GRID2: variants seen among roughly 807,000 people sequenced by gnomAD.
GRID2 encodes glutamate ionotropic receptor delta type subunit 2, also known as glutamate receptor ionotropic, delta-2.
In GRID2, 33 loss-of-function variants were observed where a neutral mutation model predicts 114.8. The ratio of observed to expected loss-of-function variants is 0.29; its 90% CI spans 0.22 to 0.38. The LOEUF is 0.38. Among genes scored for constraint, GRID2 ranks in the 10% least tolerant of loss-of-function variants. The pLI, the probability that GRID2 is intolerant of heterozygous loss-of-function variation, is 1.00. For synonymous variants in GRID2, 505 were observed against 449.9 expected (o/e 1.12, Z -1.55); for missense variants, 1,184 against 1,257.7 (o/e 0.94, Z 0.89).
intron 2 of GRID2, among the ~76,000 whole-genome samples, chr4:93,050,763 A>T (rs937042157): frequency 6.6e-6 from 1 of 152,042 alleles, no homozygotes; most frequent in African/African-American, 2.4e-5. Flanking sequence ...TGACAAAAGT[A>T]CTATCAAATT....
intron 2 of GRID2, among the ~76,000 whole-genome samples, chr4:92,970,023 A>G (rs548478148): frequency 1.3e-5 from 2 of 152,066 alleles, no homozygotes; most frequent in South Asian, 4.1e-4. Flanking sequence ...CAATGGAAAA[A>G]TGTTTCTTAA....
intron 9 of GRID2, among the ~76,000 whole-genome samples, chr4:93,421,660 C>T (rs184084693): frequency 1.2e-3 from 182 of 152,202 alleles, no homozygotes; most frequent in African/African-American, 3.9e-3. Flanking sequence ...AAATGAAGCT[C>T]TTTGACCCTG....
At chr4:92,469,157 T>G (rs1295677178) in intron 1 of GRID2, among the ~76,000 whole-genome samples, 1 of 152,190 alleles carries the variant, frequency 6.6e-6, no homozygotes, top group Non-Finnish European at 1.5e-5. Flanking sequence ...TATTATCCCG[T>G]CAGGAAAACT....
chr4:93,678,225 GA>G lies in GRID2; in HGVS notation c.2360+51796del, dbSNP rs944592006. Among the ~76,000 whole-genome samples the G allele has an allele frequency of 3.6e-4, 55 of 152,076 alleles. 1 individual carries two copies. The highest frequency in any genetic ancestry group is 1.6e-3 in the Admixed American group (25 of 15,268). Reference sequence around the variant, plus strand: ...AATGAAGCAAGAAGGGAAGTTTAGAGAAAAAAGAATAAAAAGAAATGAACAA... The same window carrying G: ...AATGAAGCAAGAAGGGAAGTTTAGAGAAAAAGAATAAAAAGAAATGAACAA... On this transcript the variant is annotated intron_variant, in intron 14 of 15. Transcript: ENST00000282020.
chr4:92,400,897 C>A (rs986586816), intron 1 of GRID2, among the ~76,000 whole-genome samples: 3 of 152,030 alleles, frequency 2.0e-5, no homozygotes, highest in Non-Finnish European at 4.4e-5. Flanking sequence ...GTATATCTTT[C>A]TTGGAAAAAT....
intron 13 of GRID2, among the ~76,000 whole-genome samples, chr4:93,594,251 T>G (rs571624649): frequency 0.01 from 1,554 of 152,108 alleles, 34 homozygotes; most frequent in African/African-American, 0.034. Flanking sequence ...GTCCTTTCTG[T>G]TTGTTAGTTT....
chr4:93,678,842 A>G (rs1578548229), intron 14 of GRID2, among the ~76,000 whole-genome samples: 6 of 151,424 alleles, frequency 4.0e-5, no homozygotes, highest in Admixed American at 3.9e-4. Context: ...TGTAAAGACC[A>G]TCGAGACTAG....
At chr4:92,787,676 G>T (rs984736561) in intron 2 of GRID2, among the ~76,000 whole-genome samples, 2 of 151,844 alleles carry the variant, frequency 1.3e-5, no homozygotes, top group Non-Finnish European at 2.9e-5. Flanking sequence ...ACAGGATGTT[G>T]CCCAGAGAGG....
At chr4:93,115,024 G>C (rs1280986884) in intron 4 of GRID2, among the ~76,000 whole-genome samples, 2 of 151,756 alleles carry the variant, frequency 1.3e-5, no homozygotes, top group Admixed American at 6.6e-5. Context: ...CCAGACTCTT[G>C]AAAAATAAAT....
At chr4:92,596,471 CCT>C (rs1461536557) in intron 2 of GRID2, among the ~76,000 whole-genome samples, 1 of 152,044 alleles carries the variant, frequency 6.6e-6, no homozygotes, top group African/African-American at 2.4e-5. Context: ...GACTAAACCC[CCT>C]GTTTTCCTCT....
At chr4:93,131,568 C>T (rs897935837) in intron 4 of GRID2, among the ~76,000 whole-genome samples, 3 of 149,694 alleles carry the variant, frequency 2.0e-5, no homozygotes, top group African/African-American at 4.9e-5. Flanking sequence ...TTTCATTATC[C>T]AGGTTGAAAT....
intron 2 of GRID2, among the ~76,000 whole-genome samples, chr4:92,923,607 A>T (rs1323623806): frequency 1.3e-5 from 2 of 152,312 alleles, no homozygotes; most frequent in South Asian, 4.1e-4. Context: ...ACCAAAAATG[A>T]CAAAAATATA....
intron 1 of GRID2, among the ~76,000 whole-genome samples, chr4:92,430,836 T>C (rs1431331919): frequency 6.6e-6 from 1 of 152,202 alleles, no homozygotes; most frequent in East Asian, 1.9e-4. Flanking sequence ...GTTAAGTTTA[T>C]TCTCTGTTAT....
At chr4:93,231,495 A>G (rs1305178491) in intron 7 of GRID2, among the ~76,000 whole-genome samples, 6 of 151,966 alleles carry the variant, frequency 3.9e-5, no homozygotes, top group African/African-American at 1.4e-4. Flanking sequence ...CAAATGTGGT[A>G]AATATAGGAT....
chr4:93,282,649 C>A (rs1485183941), intron 8 of GRID2, among the ~76,000 whole-genome samples: 2 of 151,976 alleles, frequency 1.3e-5, no homozygotes, highest in Non-Finnish European at 2.9e-5. Context: ...GATTAATATT[C>A]CAACACATGA....
At chr4:93,156,920 G>A (rs998370196) in intron 4 of GRID2, among the ~76,000 whole-genome samples, 1 of 151,676 alleles carries the variant, frequency 6.6e-6, no homozygotes, top group Admixed American at 6.6e-5. Flanking sequence ...AGGAAATCAA[G>A]GATCAGTTCT....
At chr4:93,411,817 T>G (rs1212259298) in intron 9 of GRID2, among the ~76,000 whole-genome samples, 1 of 152,108 alleles carries the variant, frequency 6.6e-6, no homozygotes, top group Non-Finnish European at 1.5e-5. Context: ...AAATGTCTAT[T>G]AATTTATCTA....
At chr4:93,118,748 A>G (rs1733512154) in intron 4 of GRID2, among the ~76,000 whole-genome samples, 1 of 152,200 alleles carries the variant, frequency 6.6e-6, no homozygotes, top group African/African-American at 2.4e-5. Flanking sequence ...GGATTGAGAA[A>G]TTAGGAAAGA....
intron 14 of GRID2, among the ~76,000 whole-genome samples, chr4:93,704,323 A>G (rs910352190): frequency 2.6e-5 from 4 of 151,788 alleles, no homozygotes; most frequent in Admixed American, 6.6e-5. Context: ...CATATCCTTC[A>G]CCCACTTTTT....
Sources: allele counts gnomAD v4.1 joint callset (sites outside exome capture counted in the v4.1 genomes callset), GRCh38; gene constraint gnomAD v4.1.1; transcripts MANE v1.5; gene names NCBI Gene and HGNC (gene_info 2026-07-23, HGNC 2026-07-21).